NBAS: variants seen among roughly 807,000 people sequenced by gnomAD.
NBAS encodes NBAS subunit of NRZ tethering complex.
A neutral mutation model predicts 302.5 loss-of-function variants in NBAS; 219 were observed. That is an observed-to-expected ratio of 0.72 (90% CI 0.65 to 0.81). The LOEUF is 0.81. NBAS is among the 30% of genes least tolerant of loss of function. The pLI is 0.00. For synonymous variants in NBAS, 1,118 were observed against 1,021.6 expected (o/e 1.09, Z -1.80); for missense variants, 2,932 against 2,841.6 (o/e 1.03, Z -0.72).
chr2:15,163,155 G>A (rs547446854), downstream of NBAS, among the ~76,000 whole-genome samples: 4 of 152,252 alleles, frequency 2.6e-5, no homozygotes, highest in East Asian at 5.8e-4. Context: ...TTTAAAAATT[G>A]GGTCCCTTCT....
chr2:14,795,171 A>AT, the NBAS span, among the ~76,000 whole-genome samples: 2 of 152,158 alleles, frequency 1.3e-5, no homozygotes, highest in Non-Finnish European at 2.9e-5. Context: ...TTTGAAAAAA[A>AT]ATTTTCAAAG....
Position 15,493,292 on chromosome 2 carries a change from G to C in NBAS, c.955-4270C>G, listed in dbSNP as rs114646597. Among the ~76,000 whole-genome samples, 1,127 of 152,222 alleles carry C rather than the reference G, an allele frequency of 7.4e-3. 13 individuals carry two copies. The highest frequency in any genetic ancestry group is 0.026 in the African/African-American group (1,065 of 41,526). ...AGTTCTTTATAGCAGTGTGAAAATT[G>C]ACTAATACAGTGGGCAAGGGAGAGA... On this transcript the variant is annotated intron_variant, in intron 11 of 51. Coordinates refer to ENST00000281513, the MANE Select transcript of NBAS (RefSeq NM_015909.4).
the NBAS span, among the ~76,000 whole-genome samples, chr2:15,084,687 C>CGGGGT: frequency 7.0e-6 from 1 of 143,524 alleles, no homozygotes; most frequent in African/African-American, 2.9e-5. Context: ...ATCGGCGGGG[C>CGGGGT]GGGGGGGGTT....
chr2:15,245,530 C>T (rs1668053582), intron 44 of NBAS, among the ~76,000 whole-genome samples: 2 of 152,102 alleles, frequency 1.3e-5, no homozygotes, highest in Admixed American at 1.3e-4. Flanking sequence ...GCTTCTATTG[C>T]TTATTGTTTG....
At chr2:15,391,116 A>T (rs1675576918) in intron 28 of NBAS, among the ~76,000 whole-genome samples, 1 of 152,186 alleles carries the variant, frequency 6.6e-6, no homozygotes, top group African/African-American at 2.4e-5. Flanking sequence ...TCTCAAAAAA[A>T]AAAAATTATT....
chr2:15,222,810 G>A (rs1667004431), intron 47 of NBAS, among the ~76,000 whole-genome samples: 1 of 152,160 alleles, frequency 6.6e-6, no homozygotes, highest in Admixed American at 6.5e-5. Context: ...GAACAGTGTG[G>A]CAGTGGATTA....
intron 40 of NBAS, among the ~76,000 whole-genome samples, chr2:15,300,166 CA>C (rs1670732501): frequency 6.6e-6 from 1 of 152,172 alleles, no homozygotes; most frequent in Non-Finnish European, 1.5e-5. Flanking sequence ...CAAATTCTAT[CA>C]ATACTTTTAT....
the NBAS span, among the ~76,000 whole-genome samples, chr2:14,965,434 A>T: frequency 1.4e-3 from 218 of 152,336 alleles, 1 homozygote; most frequent in African/African-American, 5.0e-3. Flanking sequence ...GGTGAAATGA[A>T]CAAAGACCTT....
At chr2:14,844,227 G>T in the NBAS span, among the ~76,000 whole-genome samples, 3 of 151,698 alleles carry the variant, frequency 2.0e-5, no homozygotes, top group Middle Eastern at 3.2e-3. Context: ...AGCAGGAAAG[G>T]ACACCAGTCA....
At chr2:15,539,516 G>A (rs1210681130) in intron 6 of NBAS, among the ~76,000 whole-genome samples, 160 bp from the exon 7 acceptor site, 1 of 152,186 alleles carries the variant, frequency 6.6e-6, no homozygotes, top group Non-Finnish European at 1.5e-5. Context: ...GCAGTTTCCA[G>A]AAACACACTT....
chr2:14,845,502 G>T, the NBAS span, among the ~76,000 whole-genome samples: 1 of 152,154 alleles, frequency 6.6e-6, no homozygotes, highest in Non-Finnish European at 1.5e-5. Context: ...AGACAGAGAT[G>T]AACATCCACA....
chr2:15,220,507 A>G (rs1181601961), intron 47 of NBAS, among the ~76,000 whole-genome samples: 1 of 152,206 alleles, frequency 6.6e-6, no homozygotes, highest in Non-Finnish European at 1.5e-5. Context: ...ATACTACTCT[A>G]AAAGTGAAGT....
the NBAS span, among the ~76,000 whole-genome samples, chr2:14,861,196 T>G: frequency 6.6e-6 from 1 of 152,214 alleles, no homozygotes; most frequent in Admixed American, 6.5e-5. Flanking sequence ...TCTTGGAGCT[T>G]TGCACATTAC....
intron 44 of NBAS, among the ~76,000 whole-genome samples, chr2:15,258,352 T>G (rs369682161): frequency 1.3e-5 from 2 of 151,996 alleles, no homozygotes; most frequent in South Asian, 2.1e-4. Flanking sequence ...GGGAACAAGG[T>G]AAGGGAAGGG....
intron 42 of NBAS, among the ~76,000 whole-genome samples, chr2:15,281,830 T>C (rs1490348358): frequency 6.6e-6 from 1 of 152,184 alleles, no homozygotes; most frequent in African/African-American, 2.4e-5. Context: ...TTCTGACTAT[T>C]TGGAGAAAAA....
At chr2:15,154,780 T>TG in the NBAS span, among the ~76,000 whole-genome samples, 29 of 151,510 alleles carry the variant, frequency 1.9e-4, no homozygotes, top group African/African-American at 6.1e-4. Flanking sequence ...AATGTGAGAG[T>TG]GGGGGGTTCA....
the NBAS span, among the ~76,000 whole-genome samples, chr2:15,089,058 G>C: frequency 2.0e-5 from 3 of 152,088 alleles, no homozygotes; most frequent in Admixed American, 6.5e-5. Context: ...CCACACCTTC[G>C]GTTCTCCCAC....
intron 50 of NBAS, among the ~76,000 whole-genome samples, chr2:15,182,771 G>C (rs1324975373): frequency 6.6e-6 from 1 of 152,136 alleles, no homozygotes; most frequent in Admixed American, 6.5e-5. Context: ...TGGTACACAG[G>C]ACCTGTGAGA....
chr2:15,448,476 C>T (rs1216696504), intron 21 of NBAS, among the ~76,000 whole-genome samples: 1 of 152,144 alleles, frequency 6.6e-6, no homozygotes, highest in Non-Finnish European at 1.5e-5. Flanking sequence ...AAAAATAACA[C>T]AGCTAGCATG....
Sources: gnomAD v4.1 joint callset for allele counts (sites outside exome capture counted in the v4.1 genomes callset) on GRCh38, gnomAD v4.1.1 for gene constraint, MANE v1.5 for transcripts, NCBI Gene and HGNC (gene_info 2026-07-23, HGNC 2026-07-21) for gene names.